SPATS2: variants seen among roughly 807,000 people sequenced by gnomAD.
SPATS2 encodes spermatogenesis-associated serine-rich protein 2.
SPATS2 carries 38 observed loss-of-function variants against 63.7 expected under a neutral mutation model. The observed-to-expected ratio is 0.60, with a 90% CI of 0.46 to 0.78. SPATS2 has a LOEUF of 0.78. Ranked by LOEUF, SPATS2 falls within the 30% of genes least tolerant of loss-of-function variation. The probability of loss-of-function intolerance (pLI) is 0.00; values close to 1 mark genes in which losing one functional copy is unlikely to be tolerated. For synonymous variants in SPATS2, 207 were observed against 232.9 expected (o/e 0.89, Z 1.01); for missense variants, 588 against 666.2 (o/e 0.88, Z 1.29).
chr12:49,401,341 T>C (rs1363190370), intron 2 of SPATS2, among the ~76,000 whole-genome samples: 1 of 152,178 alleles, frequency 6.6e-6, no homozygotes, highest in African/African-American at 2.4e-5. Flanking sequence ...CACATTTAGC[T>C]GCATGGTGCA....
rs190721324 is a variant in SPATS2 at position 49,390,716 on chromosome 12, A to G, written c.-244+19426A>G. ...GGAATGTGTTATATGTACCATAAAC[A>G]AAAAAGGTAATTTTAGCAATTTACC... On this transcript the variant is annotated intron_variant, in intron 2 of 13. Coordinates refer to ENST00000552918, the MANE Select transcript of SPATS2 (RefSeq NM_023071.4). Among the ~76,000 whole-genome samples, 3 of 152,328 alleles carry G rather than the reference A, an allele frequency of 2.0e-5. No homozygotes were observed. In the East Asian group the frequency reaches 5.8e-4, roughly 29 times the overall value.
At chr12:49,510,074 T>C (rs60507124) in intron 9 of SPATS2, among the ~76,000 whole-genome samples, 2,027 of 150,558 alleles carry the variant, frequency 0.013, 46 homozygotes, top group African/African-American at 0.046. Flanking sequence ...CTGGACAACA[T>C]AGTGAGACCC....
At chr12:49,390,149 G>A (rs948802733) in intron 2 of SPATS2, 1 of 1,538,718 alleles carries the variant, frequency 6.5e-7, no homozygotes, top group Non-Finnish European at 8.9e-7. Flanking sequence ...AGTGACTTGA[G>A]TCTGAGGAAG....
intron 2 of SPATS2, among the ~76,000 whole-genome samples, chr12:49,421,644 A>G (rs923521219): frequency 2.6e-5 from 4 of 152,130 alleles, no homozygotes; most frequent in African/African-American, 7.2e-5. Flanking sequence ...GGTGAAGTAA[A>G]CAGATCTGTG....
intron 9 of SPATS2, among the ~76,000 whole-genome samples, chr12:49,510,793 T>C (rs1229648823): frequency 6.6e-6 from 1 of 152,216 alleles, no homozygotes; most frequent in Non-Finnish European, 1.5e-5. Flanking sequence ...AGCTAGAATC[T>C]CTAACTGCAT....
intron 2 of SPATS2, among the ~76,000 whole-genome samples, chr12:49,424,215 C>G (rs780891674): frequency 3.3e-5 from 5 of 151,862 alleles, no homozygotes; most frequent in Non-Finnish European, 7.4e-5. Flanking sequence ...AACAAACAAA[C>G]AAACAAACAA....
intron 3 of SPATS2, among the ~76,000 whole-genome samples, chr12:49,475,804 C>T (rs1480777042): frequency 6.6e-6 from 1 of 152,114 alleles, no homozygotes. Context: ...TTTAAAACTG[C>T]ATTTCATTTC....
intron 3 of SPATS2, among the ~76,000 whole-genome samples, chr12:49,470,289 C>G (rs1304699260): frequency 6.6e-6 from 1 of 152,128 alleles, no homozygotes; most frequent in Non-Finnish European, 1.5e-5. Context: ...GCCTTGGCCT[C>G]CCAAAGTGCT....
chr12:49,490,874 G>T (rs1191463405), intron 6 of SPATS2, 143 bp downstream of exon 6: 8 of 709,526 alleles, frequency 1.1e-5, no homozygotes, highest in Non-Finnish European at 1.8e-5. Flanking sequence ...AGGTGCAGGG[G>T]CTCACACCTG....
intron 2 of SPATS2, among the ~76,000 whole-genome samples, chr12:49,384,093 T>C (rs1944269356): frequency 6.6e-6 from 1 of 152,204 alleles, no homozygotes; most frequent in Non-Finnish European, 1.5e-5. Context: ...TGGTACACTA[T>C]TATAGACTTG....
At chr12:49,500,311 T>G in intron 9 of SPATS2, 106 bp downstream of exon 9, 1 of 1,228,238 alleles carries the variant, frequency 8.1e-7, no homozygotes, top group Non-Finnish European at 1.1e-6. Flanking sequence ...AACTACATAG[T>G]AGGAGAGACT....
chr12:49,439,293 G>T (rs1945374381), intron 2 of SPATS2, among the ~76,000 whole-genome samples: 1 of 152,168 alleles, frequency 6.6e-6, no homozygotes. Flanking sequence ...GCCAGGTCAG[G>T]TAGGGCTTGC....
chr12:49,383,030 T>C (rs1944249691), intron 2 of SPATS2, among the ~76,000 whole-genome samples: 1 of 151,772 alleles, frequency 6.6e-6, no homozygotes, highest in South Asian at 2.1e-4. Context: ...TTATTATTAT[T>C]ATTTTAAAAC....
At chr12:49,440,752 C>T (rs2137549394) in intron 2 of SPATS2, among the ~76,000 whole-genome samples, 1 of 152,268 alleles carries the variant, frequency 6.6e-6, no homozygotes, top group South Asian at 2.1e-4. Flanking sequence ...CAGGCATGAG[C>T]CACTGTGCCT....
At chr12:49,469,244 G>T (rs984257940) in intron 3 of SPATS2, among the ~76,000 whole-genome samples, 1 of 150,972 alleles carries the variant, frequency 6.6e-6, no homozygotes, top group Non-Finnish European at 1.5e-5. Context: ...CCAAAAATTA[G>T]CTGGGCGTGG....
intron 2 of SPATS2, among the ~76,000 whole-genome samples, chr12:49,407,606 G>A (rs1003637146): frequency 6.6e-6 from 1 of 152,050 alleles, no homozygotes. Context: ...TTATTTCAGG[G>A]GTCAGGCTGA....
At chr12:49,512,922 C>T in intron 9 of SPATS2, 1 of 1,288,384 alleles carries the variant, frequency 7.8e-7, no homozygotes, top group South Asian at 1.2e-5. Flanking sequence ...GAAATGCTTT[C>T]TTAGCAAAGT....
chr12:49,425,586 C>G (rs1005968612), intron 2 of SPATS2, among the ~76,000 whole-genome samples: 2 of 152,156 alleles, frequency 1.3e-5, no homozygotes, highest in African/African-American at 4.8e-5. Context: ...TCCCAAAGTG[C>G]TGGGATTACA....
intron 9 of SPATS2, among the ~76,000 whole-genome samples, chr12:49,508,282 A>G (rs977074672): frequency 1.3e-5 from 2 of 151,938 alleles, no homozygotes; most frequent in South Asian, 2.1e-4. Context: ...ATATCGGTTC[A>G]CTGCTACCTC....
Sources: allele counts gnomAD v4.1 joint callset (sites outside exome capture counted in the v4.1 genomes callset), GRCh38; gene constraint gnomAD v4.1.1; transcripts MANE v1.5; gene names NCBI Gene and HGNC (gene_info 2026-07-23, HGNC 2026-07-21).